The following TSC22D2 variants were observed in gnomAD, a reference collection of about 807,000 sequenced individuals.
The protein encoded by TSC22D2 is TSC22 domain family member 2, also known as TSC22 domain family protein 2.
In TSC22D2, 5 loss-of-function variants were observed where a neutral mutation model predicts 50.1. The ratio of observed to expected loss-of-function variants is 0.10; its 90% CI spans 0.05 to 0.21. TSC22D2 has a LOEUF of 0.21. Among genes scored for constraint, TSC22D2 ranks in the 10% least tolerant of loss-of-function variants. The pLI is 1.00. For missense variants in TSC22D2, 1,003 were observed against 1,015.5 expected (o/e 0.99, Z 0.17); for synonymous variants, 501 against 450.1 (o/e 1.11, Z -1.43).
At chr3:150,430,159 C>G (rs1428781225) in intron 1 of TSC22D2, among the ~76,000 whole-genome samples, 1 of 152,042 alleles carries the variant, frequency 6.6e-6, no homozygotes, top group Non-Finnish European at 1.5e-5. Context: ...AAAGCTTCTT[C>G]AGGAGGTGGC....
chr3:150,409,746 A>G lies in TSC22D2; in HGVS notation c.396A>G (p.Gly132=), dbSNP rs1470151604. ...AAAATSAPAP[G]APGGPQLAGS... is the part of the protein sequence containing the mutation. ...CTGCCACTTCGGCCCCCGCCCCCGGAGCACCCGGCGGCCCCCAGCTCGCGG... is the reference window on the plus strand; with the variant it reads ...CTGCCACTTCGGCCCCCGCCCCCGGGGCACCCGGCGGCCCCCAGCTCGCGG... Residue 132 remains glycine (G), a synonymous_variant, in exon 1 of 3, where the codon GGA becomes GGG. Transcript: ENST00000688009. This position sits in a 1 kb window ranked among gnomAD's most constrained non-coding sequence, Gnocchi z 7.4. The G allele has an allele frequency of 5.0e-6, 8 of 1,601,328 alleles. No individual in the cohort carries two copies. The highest frequency in any genetic ancestry group is 6.8e-6 in the Non-Finnish European group (8 of 1,178,052).
chr3:150,410,960 A>C lies in TSC22D2; in HGVS notation c.1610A>C (p.Gln537Pro). The change falls in exon 1 of 3, where the codon CAG becomes CCG. Residue 537 changes from glutamine (Q) to proline (P), a missense_variant. By Grantham distance (76) the Gln-to-Pro change is moderately conservative (BLOSUM62 -1). Around this residue, in one of 6 missense-constraint regions of TSC22D2, gnomAD observed 696 missense variants for 647.8 expected, o/e 1.07. Transcript: ENST00000688009. Reference sequence around the variant, plus strand: ...CCAAATGTACCCGCGCCTCTGGCCCAGTCGCAACAGCTGAGCAGCCATACG... The same window carrying C: ...CCAAATGTACCCGCGCCTCTGGCCCCGTCGCAACAGCTGAGCAGCCATACG... ...TMPNVPAPLA[Q>P]SQQLSSHTPV... The C allele has an allele frequency of 6.2e-7, 1 of 1,614,186 alleles. No homozygotes were observed. The highest frequency in any genetic ancestry group is 1.3e-5 in the African/African-American group (1 of 75,060).
intron 1 of TSC22D2, among the ~76,000 whole-genome samples, chr3:150,434,621 C>G (rs1199251595): frequency 6.6e-6 from 1 of 152,084 alleles, no homozygotes; most frequent in East Asian, 1.9e-4. Context: ...TTGAAAGGAT[C>G]AAGTGTATAA....
intron 1 of TSC22D2, among the ~76,000 whole-genome samples, chr3:150,416,232 G>T (rs1177353597): frequency 6.6e-6 from 1 of 152,178 alleles, no homozygotes; most frequent in Non-Finnish European, 1.5e-5. Context: ...TTAGTCCAGT[G>T]TGTATTTCCT....
At chr3:150,414,727 TGC>T (rs1719734935) in intron 1 of TSC22D2, among the ~76,000 whole-genome samples, 5 of 152,074 alleles carry the variant, frequency 3.3e-5, no homozygotes, top group African/African-American at 4.8e-5. Context: ...CAAATTCTGC[TGC>T]TTTTTTTACT....
chr3:150,418,065 T>G (rs983267746), intron 1 of TSC22D2, among the ~76,000 whole-genome samples: 3 of 152,110 alleles, frequency 2.0e-5, no homozygotes, highest in Non-Finnish European at 2.9e-5. Flanking sequence ...TTAAACTTTC[T>G]TCTTTTTACC....
In TSC22D2 at chr3:150,458,812, C is replaced by T. The variant is rs561829310; in HGVS notation, c.*176C>T. The T allele has an allele frequency of 2.4e-5, 18 of 738,866 alleles. No homozygotes were observed. The highest frequency in any genetic ancestry group is 1.2e-4 in the Admixed American group (4 of 33,716). 45.8% of individuals were successfully genotyped at this position (738,866 alleles called of 1,614,324 possible). On this transcript the variant is annotated 3_prime_UTR_variant, in exon 3 of 3. Coordinates refer to ENST00000688009, the MANE Select transcript of TSC22D2 (RefSeq NM_001303264.2). ...TTCCTCTCTCTGAGATGTCATGCAGCGCTGTTGATGTCCAGTTCTATGTCA... is the reference window on the plus strand; with the variant it reads ...TTCCTCTCTCTGAGATGTCATGCAGTGCTGTTGATGTCCAGTTCTATGTCA...
chr3:150,421,667 T>C (rs1040898803), intron 1 of TSC22D2, among the ~76,000 whole-genome samples: 1 of 152,106 alleles, frequency 6.6e-6, no homozygotes, highest in Non-Finnish European at 1.5e-5. Flanking sequence ...GGTGATTCTC[T>C]GGCATCTTGG....
Position 150,462,030 on chromosome 3 carries a change from A to C in TSC22D2, c.*3394A>C, listed in dbSNP as rs1488197845. 6.6e-6 allele frequency: 1 copy of C among 152,166 alleles called. No homozygotes were observed. The highest frequency in any genetic ancestry group is 2.4e-5 in the African/African-American group (1 of 41,424). The allele number at this position is 152,166 out of a possible 1,614,324, so 9.4% of individuals were successfully genotyped here. A position where few individuals can be genotyped will look rare whatever the true frequency, so the allele number is the denominator to read the frequency against. ...GTGACATTTCTTTAATAATCCTATG[A>C]AAAGGACAAAACCCAGCCCTCAAAA... On this transcript the variant is annotated 3_prime_UTR_variant, in exon 3 of 3. Coordinates refer to ENST00000688009, the MANE Select transcript of TSC22D2 (RefSeq NM_001303264.2).
In TSC22D2 at chr3:150,462,036, ACAAAACCC is replaced by A; in HGVS notation, c.*3401_*3408del. ...TTTCTTTAATAATCCTATGAAAAGG[ACAAAACCC>A]AGCCCTCAAAATTGACAATTTGAGG... On this transcript the variant is annotated 3_prime_UTR_variant, in exon 3 of 3. Coordinates refer to ENST00000688009, the MANE Select transcript of TSC22D2 (RefSeq NM_001303264.2). The A allele has an allele frequency of 6.6e-6, 1 of 152,134 alleles. No individual in the cohort carries two copies. Among genetic ancestry groups the A allele is most frequent in the Admixed American group, 6.5e-5 (1 of 15,276 alleles). 9.4% of individuals were successfully genotyped at this position (152,134 alleles called of 1,614,324 possible). A position where few individuals can be genotyped will look rare whatever the true frequency, so the allele number is the denominator to read the frequency against.
In TSC22D2 at chr3:150,411,043, A is replaced by G. The variant is rs1719539046; in HGVS notation, c.1693A>G (p.Thr565Ala). ...TGTTGGGCTGCCCTTAGCGCCAGGC[A>G]CACACAGCGCACCAACAAGTCTACC... The part of the protein sequence containing the change: ...QHVGLPLAPG[T>A]HSAPTSLPQS... The change falls in exon 1 of 3, where the codon ACA becomes GCA. Residue 565 changes from threonine (T) to alanine (A), a missense_variant. Coordinates refer to ENST00000688009, the MANE Select transcript of TSC22D2 (RefSeq NM_001303264.2). 6.2e-7 allele frequency: 1 copy of G among 1,614,196 alleles called. No individual in the cohort carries two copies. Among genetic ancestry groups the G allele is most frequent in the African/African-American group, 1.3e-5 (1 of 75,062 alleles).
rs1721455524 is a variant in TSC22D2 at position 150,462,784 on chromosome 3, C to G, written c.*4148C>G. 6.6e-6 allele frequency: 1 copy of G among 152,194 alleles called. No homozygotes were observed. Among genetic ancestry groups the G allele is most frequent in the Admixed American group, 6.5e-5 (1 of 15,268 alleles). The allele number at this position is 152,194 out of a possible 1,614,324, so 9.4% of individuals were successfully genotyped here. A position where few individuals can be genotyped will look rare whatever the true frequency, so the allele number is the denominator to read the frequency against. On this transcript the variant is annotated 3_prime_UTR_variant, in exon 3 of 3. Transcript: ENST00000688009. Reference sequence around the variant, plus strand: ...GAGTAGCTGGGATTACAGGCGTGTGCCACCATGCCAGGCTAATTTTTGTAT... The same window carrying G: ...GAGTAGCTGGGATTACAGGCGTGTGGCACCATGCCAGGCTAATTTTTGTAT...
chr3:150,421,573 A>G (rs6414375), intron 1 of TSC22D2, among the ~76,000 whole-genome samples: 120,524 of 152,136 alleles, frequency 0.79, 48,613 homozygotes, highest in African/African-American at 0.94. Flanking sequence ...TGGAAAAAGG[A>G]TTAAAAGAAT....
chr3:150,408,367 A>C lies in TSC22D2; in HGVS notation c.-984A>C, dbSNP rs1719325322. The stretch of plus-strand genomic sequence containing the variant: ...TCCCTGGCGCGGCCATTTCAGCCCC[A>C]TCTTGGCCCAGCGGAGGGAGCTGCA... On this transcript the variant is annotated 5_prime_UTR_variant, in exon 1 of 3. Coordinates refer to ENST00000688009, the MANE Select transcript of TSC22D2 (RefSeq NM_001303264.2). 1 of 153,098 alleles carries C rather than the reference A, an allele frequency of 6.5e-6. No individual in the cohort carries two copies. Among genetic ancestry groups the C allele is most frequent in the Non-Finnish European group, 1.5e-5 (1 of 68,178 alleles). The allele number at this position is 153,098 out of a possible 1,614,324, so 9.5% of individuals were successfully genotyped here. A position where few individuals can be genotyped will look rare whatever the true frequency, so the allele number is the denominator to read the frequency against.
Position 150,411,020 on chromosome 3 carries a change from T to C in TSC22D2, c.1670T>C (p.Val557Ala). 1 of 1,614,216 alleles carries C rather than the reference T, an allele frequency of 6.2e-7. No individual in the cohort carries two copies. Among genetic ancestry groups the C allele is most frequent in the Non-Finnish European group, 8.5e-7 (1 of 1,180,040 alleles). Residue 557 changes from valine (V) to alanine (A), a missense_variant, in exon 1 of 3, where the codon GTT becomes GCT. By Grantham distance (64) the Val-to-Ala change is moderately conservative (BLOSUM62 0). Coordinates refer to ENST00000688009, the MANE Select transcript of TSC22D2 (RefSeq NM_001303264.2). ...VSRSSSIIQH[V>A]GLPLAPGTHS... ...AGGAGCAGCAGCATAATCCAGCATG[T>C]TGGGCTGCCCTTAGCGCCAGGCACA...
intron 1 of TSC22D2, among the ~76,000 whole-genome samples, chr3:150,421,612 G>C (rs1255820055): frequency 6.6e-6 from 1 of 152,162 alleles, no homozygotes; most frequent in Non-Finnish European, 1.5e-5. Flanking sequence ...GGCAAGCAAT[G>C]AGAAATACAC....
intron 1 of TSC22D2, among the ~76,000 whole-genome samples, chr3:150,454,780 A>C (rs1299959609): frequency 6.6e-6 from 1 of 152,214 alleles, no homozygotes; most frequent in Non-Finnish European, 1.5e-5. Flanking sequence ...CAGTTGAAAT[A>C]TTAACACCAT....
At chr3:150,452,597 A>G (rs1721078284) in intron 1 of TSC22D2, among the ~76,000 whole-genome samples, 1 of 152,200 alleles carries the variant, frequency 6.6e-6, no homozygotes, top group Non-Finnish European at 1.5e-5. Context: ...CCTAGGAGGA[A>G]AAGCTGTGGT....
intron 1 of TSC22D2, among the ~76,000 whole-genome samples, chr3:150,439,172 TATGC>T (rs1720640602): frequency 1.3e-5 from 2 of 152,274 alleles, no homozygotes; most frequent in South Asian, 4.1e-4. Flanking sequence ...TAAAGTGTGG[TATGC>T]ATATCCTGCA....
Sources: gnomAD v4.1 joint callset for allele counts (sites outside exome capture counted in the v4.1 genomes callset) on GRCh38, gnomAD v4.1.1 for gene constraint, gnomAD v4.1.1 regional missense constraint, Gnocchi (gnomAD v3.1) non-coding constraint, MANE v1.5 for transcripts, NCBI Gene and HGNC (gene_info 2026-07-23, HGNC 2026-07-21) for gene names.